SCAI: variants seen among roughly 807,000 people sequenced by gnomAD.
SCAI encodes the protein protein SCAI.
A neutral mutation model predicts 92.2 loss-of-function variants in SCAI; 24 were observed. That is an observed-to-expected ratio of 0.26 (90% CI 0.19 to 0.37). SCAI has a LOEUF of 0.37. SCAI is among the 10% of genes least tolerant of loss of function. SCAI has a pLI of 1.00. For synonymous variants in SCAI, 261 were observed against 258.6 expected, an observed-to-expected ratio of 1.01 and a Z score of -0.09; for missense variants, 450 against 736.2, an observed-to-expected ratio of 0.61 and a Z score of 4.50.
rs1359699325 is a variant in SCAI, at chr9:124,949,203, A to G, written c.*3604T>C. The G allele has an allele frequency of 1.3e-5, 2 of 152,178 alleles. No homozygotes were observed. Among genetic ancestry groups the G allele is most frequent in the Non-Finnish European group, 2.9e-5 (2 of 68,116 alleles). 9.4% of individuals were successfully genotyped at this position (152,178 alleles called of 1,614,324 possible). The stretch of plus-strand genomic sequence containing the variant: ...GTGAAACCCCATCTCAAAACACAAA[A>G]TTAGCTGGGTGTGGTGGCACATGCC... On this transcript the variant is annotated 3_prime_UTR_variant, in exon 18 of 18. Coordinates refer to ENST00000336505, the MANE Select transcript of SCAI (RefSeq NM_001144877.3). This position sits in a 1 kb window ranked among gnomAD's most constrained non-coding sequence, Gnocchi z 4.0.
At chr9:125,002,634 C>A (rs1463787579) in intron 11 of SCAI, among the ~76,000 whole-genome samples, 1 of 151,940 alleles carries the variant, frequency 6.6e-6, no homozygotes, top group Non-Finnish European at 1.5e-5. Context: ...AGGCATGTGC[C>A]ACCACACCCG....
intron 2 of SCAI, among the ~76,000 whole-genome samples, chr9:125,074,788 C>T (rs777267575): frequency 6.6e-6 from 1 of 151,532 alleles, no homozygotes; most frequent in East Asian, 2.0e-4. Context: ...GCAGATCACC[C>T]GAAGTCAGGA....
chr9:125,090,962 CA>C (rs902854186), intron 2 of SCAI, among the ~76,000 whole-genome samples: 2 of 151,912 alleles, frequency 1.3e-5, no homozygotes, highest in Non-Finnish European at 2.9e-5. Flanking sequence ...ACTAAAAATA[CA>C]AAAAAATAGC....
intron 2 of SCAI, among the ~76,000 whole-genome samples, chr9:125,137,055 C>T (rs372384694): frequency 5.3e-5 from 8 of 152,184 alleles, no homozygotes; most frequent in African/African-American, 1.9e-4. Flanking sequence ...CCGCGCCCGG[C>T]CTAACACCTA....
At chr9:124,999,059 T>C (rs994619006) in intron 13 of SCAI, among the ~76,000 whole-genome samples, 6 of 151,876 alleles carry the variant, frequency 4.0e-5, no homozygotes, top group Admixed American at 2.6e-4. Flanking sequence ...CCCAGGAATA[T>C]TTACAATGAT....
intron 9 of SCAI, among the ~76,000 whole-genome samples, chr9:125,010,739 T>A (rs1459915696): frequency 6.6e-6 from 1 of 152,130 alleles, no homozygotes; most frequent in Non-Finnish European, 1.5e-5. Context: ...CTCAAGTGGG[T>A]CCCTGACCCC....
chr9:124,963,079 G>A (rs554666880), intron 17 of SCAI, among the ~76,000 whole-genome samples: 103 of 151,530 alleles, frequency 6.8e-4, no homozygotes, highest in South Asian at 4.6e-3. Flanking sequence ...GATTACAGGC[G>A]TGAGCCACCA....
At position 125,091,313 on chromosome 9, in the gene SCAI, C is replaced by G. The variant is rs181921771; in HGVS notation, c.99-35306G>C. Reference sequence around the variant, plus strand: ...GTCTTTCCATCCATGCTGTGAGGTACTTGACAACTTTCCAATAAATTCATT... The same window carrying G: ...GTCTTTCCATCCATGCTGTGAGGTAGTTGACAACTTTCCAATAAATTCATT... On this transcript the variant is annotated intron_variant, in intron 2 of 17. Transcript: ENST00000336505. This position sits in a 1 kb window ranked among gnomAD's most constrained non-coding sequence, Gnocchi z 4.3. 7.2e-5 allele frequency among the ~76,000 whole-genome samples: 11 copies of G among 152,286 alleles called. No homozygotes were observed. The highest frequency in any genetic ancestry group is 1.3e-4 in the Admixed American group (2 of 15,304).
At chr9:125,076,889 G>T (rs921553786) in intron 2 of SCAI, among the ~76,000 whole-genome samples, 1 of 152,090 alleles carries the variant, frequency 6.6e-6, no homozygotes, top group Non-Finnish European at 1.5e-5. Flanking sequence ...GTAGAGACGG[G>T]GTTTCATTCA....
intron 2 of SCAI, among the ~76,000 whole-genome samples, chr9:125,113,663 A>ATTTTT (rs36106766): frequency 7.4e-6 from 1 of 135,320 alleles, no homozygotes; most frequent in Non-Finnish European, 1.6e-5. Context: ...AAGTATAAAG[A>ATTTTT]TTTTTTTTTT....
intron 2 of SCAI, among the ~76,000 whole-genome samples, chr9:125,109,531 C>G (rs1287199203): frequency 6.6e-6 from 1 of 152,066 alleles, no homozygotes; most frequent in Non-Finnish European, 1.5e-5. Flanking sequence ...CCTTTTTATT[C>G]AATACATACC....
At chr9:125,019,245 C>T (rs761667114) in intron 7 of SCAI, 40 bp from the exon 8 acceptor site, 4 of 1,181,182 alleles carry the variant, frequency 3.4e-6, no homozygotes, top group Non-Finnish European at 4.9e-6. Flanking sequence ...ATTAAAAAAC[C>T]CATAAAAACA....
At chr9:125,128,720 T>G (rs1835331159) in intron 2 of SCAI, among the ~76,000 whole-genome samples, 1 of 149,818 alleles carries the variant, frequency 6.7e-6, no homozygotes, top group South Asian at 2.1e-4. Flanking sequence ...GCCACTGCAC[T>G]CCAGCCTGGG....
In SCAI at chr9:124,963,861, C is replaced by T. The variant is rs1031837993; in HGVS notation, c.1674+7509G>A. On this transcript the variant is annotated intron_variant, in intron 17 of 17. Coordinates refer to ENST00000336505, the MANE Select transcript of SCAI (RefSeq NM_001144877.3). ...GTGGATTATCATAAAGGTCTTCATC[C>T]TCATTGCCTTCACATTGAGTAGGCT... Among the ~76,000 whole-genome samples the T allele has an allele frequency of 2.3e-4, 35 of 151,184 alleles. 1 individual carries two copies. Among genetic ancestry groups the T allele is most frequent in the Non-Finnish European group, 2.9e-5 (2 of 67,856 alleles).
intron 2 of SCAI, among the ~76,000 whole-genome samples, chr9:125,116,998 C>T (rs1247400767): frequency 1.3e-5 from 2 of 152,076 alleles, no homozygotes; most frequent in African/African-American, 4.8e-5. Flanking sequence ...GAATATGAAA[C>T]ATAAGAGAAT....
chr9:124,962,238 C>T (rs1389625145), intron 17 of SCAI, among the ~76,000 whole-genome samples: 1 of 145,008 alleles, frequency 6.9e-6, no homozygotes, highest in African/African-American at 2.6e-5. Flanking sequence ...CAGCTCACTG[C>T]AACCTCCACC....
At chr9:125,052,898 C>T (rs1225984822) in intron 3 of SCAI, among the ~76,000 whole-genome samples, 3 of 151,402 alleles carry the variant, frequency 2.0e-5, no homozygotes, top group Non-Finnish European at 2.9e-5. Context: ...CATCCAGTAG[C>T]ATGTCTATAA....
At chr9:125,074,056 G>A (rs910902143) in intron 2 of SCAI, among the ~76,000 whole-genome samples, 8 of 151,316 alleles carry the variant, frequency 5.3e-5, no homozygotes, top group Non-Finnish European at 1.2e-4. Context: ...TCAAGAGATC[G>A]AGACCGTCCT....
chr9:125,001,629 G>A (rs1832363812), intron 12 of SCAI, among the ~76,000 whole-genome samples: 1 of 152,150 alleles, frequency 6.6e-6, no homozygotes, highest in Non-Finnish European at 1.5e-5. Context: ...AGATCATTAC[G>A]CTTGGTTATT....
Sources: gnomAD v4.1 joint callset for allele counts (sites outside exome capture counted in the v4.1 genomes callset) on GRCh38, gnomAD v4.1.1 for gene constraint, Gnocchi (gnomAD v3.1) non-coding constraint, MANE v1.5 for transcripts, NCBI Gene and HGNC (gene_info 2026-07-23, HGNC 2026-07-21) for gene names.